The following SLC17A7 variants were observed in gnomAD, a reference collection of about 807,000 sequenced individuals.
SLC17A7 encodes the protein vesicular glutamate transporter 1.
SLC17A7 carries 15 observed loss-of-function variants against 59.1 expected under a neutral mutation model. The observed-to-expected ratio is 0.25, with a 90% CI of 0.17 to 0.39. The LOEUF (loss-of-function observed/expected upper bound fraction) is 0.39. Among genes scored for constraint, SLC17A7 ranks in the 10% least tolerant of loss-of-function variants. SLC17A7 has a pLI of 1.00. For synonymous variants in SLC17A7, 353 were observed against 308.9 expected, an observed-to-expected ratio of 1.14 and a Z score of -1.50; for missense variants, 499 against 765.1, an observed-to-expected ratio of 0.65 and a Z score of 4.10.
chr19:49,430,156 G>C lies in SLC17A7; in HGVS notation c.*363C>G, dbSNP rs1027589743. The stretch of plus-strand genomic sequence containing the variant: ...AGTGATCTCAAAGGTTAGCCTGAGA[G>C]TCCCTGGAGATAAAGGAAAGCGGGG... On this transcript the variant is annotated 3_prime_UTR_variant, in exon 12 of 12. Transcript: ENST00000221485. 1.1e-5 allele frequency: 2 copies of C among 180,744 alleles called. No homozygotes were observed. The highest frequency in any genetic ancestry group is 6.1e-5 in the Admixed American group (1 of 16,388). 11.2% of individuals were successfully genotyped at this position (180,744 alleles called of 1,614,324 possible).
Position 49,430,531 on chromosome 19 carries a change from G to T in SLC17A7, c.1671C>A (p.Val557=). The T allele has an allele frequency of 6.3e-7, 1 of 1,578,318 alleles. No homozygotes were observed. The highest frequency in any genetic ancestry group is 8.6e-7 in the Non-Finnish European group (1 of 1,161,384). Residue 557 remains valine, a synonymous_variant, in exon 12 of 12, where the codon GTC becomes GTA. Transcript: ENST00000221485. ...GGGAGGCACATGGTCAGTAGTCCCG[G>T]ACAGGGGGTGGGGGCCTGGGGGGCT... ...TFQPPRPPPP[V]RDY
chr19:49,432,419 G>T (rs983410155), intron 9 of SLC17A7, 100 bp downstream of exon 9: 2 of 1,454,872 alleles, frequency 1.4e-6, no homozygotes, highest in Non-Finnish European at 1.9e-6. Context: ...CCTGGGGCAG[G>T]CTGGATGGTT....
chr19:49,438,922 C>T (rs193124671), intron 1 of SLC17A7, among the ~76,000 whole-genome samples: 5 of 151,918 alleles, frequency 3.3e-5, no homozygotes, highest in Non-Finnish European at 5.9e-5. Context: ...GGGACAAGGG[C>T]AAAAATGCAA....
Position 49,429,789 on chromosome 19 carries a change from A to G in SLC17A7, c.*730T>C, listed in dbSNP as rs541500987. ...ATGGACTGGAGCAGCCACTATTTAG[A>G]CCTGAAAACCATGTCAGAAAAAGTG... On this transcript the variant is annotated 3_prime_UTR_variant, in exon 12 of 12. Transcript: ENST00000221485. The G allele has an allele frequency of 2.3e-5, 9 of 389,102 alleles. No homozygotes were observed. In the East Asian group the frequency reaches 3.3e-4, roughly 14 times the overall value. 24.1% of individuals were successfully genotyped at this position (389,102 alleles called of 1,614,324 possible). A position where few individuals can be genotyped will look rare whatever the true frequency, so the allele number is the denominator to read the frequency against.
In SLC17A7 at chr19:49,434,885, G is replaced by A; in HGVS notation, c.435-3C>T. On this transcript the variant is annotated splice_polypyrimidine_tract_variant and splice_region_variant and intron_variant, in intron 3 of 11. Coordinates refer to ENST00000221485, the MANE Select transcript of SLC17A7 (RefSeq NM_020309.4). ...CCACAATAGCAAAGCCGAAAACTCT[G>A]ATGGGAAGGGTCAGAGAAAAGAATC... is the stretch of plus-strand genomic sequence containing the variant. 6.2e-7 allele frequency: 1 copy of A among 1,610,962 alleles called. No individual in the cohort carries two copies. Among genetic ancestry groups the A allele is most frequent in the Non-Finnish European group, 8.5e-7 (1 of 1,178,200 alleles).
In SLC17A7 at chr19:49,441,432, C is replaced by A; in HGVS notation, c.-53G>T. 2.9e-6 allele frequency: 4 copies of A among 1,390,112 alleles called. No homozygotes were observed. The highest frequency in any genetic ancestry group is 3.7e-6 in the Non-Finnish European group (4 of 1,069,494). The allele number at this position is 1,390,112 out of a possible 1,614,324, so 86.1% of individuals were successfully genotyped here. ...CGCGGGTCCCCCCCGCCGATCCCCC[C>A]GCCCGCGGGCCCGGGCGGCCGCGTC... On this transcript the variant is annotated 5_prime_UTR_variant, in exon 1 of 12. Transcript: ENST00000221485.
At position 49,437,605 on chromosome 19, in the gene SLC17A7, G is replaced by A. The variant is rs1726617213; in HGVS notation, c.63-804C>T. The A allele has an allele frequency of 2.6e-5, 4 of 152,956 alleles. No homozygotes were observed. In the South Asian group the frequency reaches 6.2e-4, roughly 24 times the overall value. 9.5% of individuals were successfully genotyped at this position (152,956 alleles called of 1,614,324 possible). On this transcript the variant is annotated intron_variant, in intron 1 of 11. Coordinates refer to ENST00000221485, the MANE Select transcript of SLC17A7 (RefSeq NM_020309.4). Reference sequence around the variant, plus strand: ...GGGGGGAGTTGTACAGAGGCCCAGAGAGAGGGGGTCACAGACAGAAGAAGG... The same window carrying A: ...GGGGGGAGTTGTACAGAGGCCCAGAAAGAGGGGGTCACAGACAGAAGAAGG...
Position 49,430,656 on chromosome 19 carries a change from G to T in SLC17A7, c.1546C>A (p.Leu516Met), listed in dbSNP as rs554950006. The T allele has an allele frequency of 3.1e-6, 5 of 1,614,130 alleles. No individual in the cohort carries two copies. The East Asian group carries it at 6.7e-5, about 22-fold the overall frequency. Residue 516 changes from leucine to methionine, a missense_variant, in exon 12 of 12, where the codon CTG becomes ATG. Transcript: ENST00000221485. The stretch of plus-strand genomic sequence containing the variant: ...ATTTCGCTGTCGTCACTGCCAGCCA[G>T]CTGGTCATGGCCAACGAAGCCACAC... ...EKCGFVGHDQ[L>M]AGSDDSEMED... is the part of the protein sequence containing the mutation.
intron 1 of SLC17A7, among the ~76,000 whole-genome samples, chr19:49,440,262 G>T (rs1008119561): frequency 2.6e-5 from 4 of 152,250 alleles, no homozygotes; most frequent in African/African-American, 9.6e-5. Flanking sequence ...GCGAAACACA[G>T]GGTCAGGGCT....
rs1027201121 is a variant in SLC17A7 at position 49,431,655 on chromosome 19, G to A, written c.1151-207C>T. Among the ~76,000 whole-genome samples, 8 of 151,936 alleles carry A rather than the reference G, an allele frequency of 5.3e-5. No individual in the cohort carries two copies. The highest frequency in any genetic ancestry group is 8.8e-5 in the Non-Finnish European group (6 of 67,986). On this transcript the variant is annotated intron_variant, in intron 9 of 11. Transcript: ENST00000221485. The surrounding 1 kb of genome is among the most constrained non-coding windows in gnomAD (Gnocchi z 4.6). ...CCCTACTTCTCCAAGACCCAGCCCT[G>A]ACCACGCCCACCAGCTCCATCGCCC... is the stretch of plus-strand genomic sequence containing the variant.
chr19:49,434,283 G>A (rs1356511897), intron 5 of SLC17A7, among the ~76,000 whole-genome samples: 2 of 148,442 alleles, frequency 1.3e-5, no homozygotes, highest in Non-Finnish European at 3.0e-5. Flanking sequence ...TCAGACCCAG[G>A]AGTCCAGGCC....
chr19:49,436,329 G>C lies in SLC17A7; in HGVS notation c.315+220C>G. ...TTTTCAATCAAGCCCCTGGAAATAA[G>C]GGCGGGACTTCATTTAGATCAGGAC... On this transcript the variant is annotated intron_variant, in intron 2 of 11. Coordinates refer to ENST00000221485, the MANE Select transcript of SLC17A7 (RefSeq NM_020309.4). The surrounding 1 kb of genome is among the most constrained non-coding windows in gnomAD (Gnocchi z 4.1). The C allele has an allele frequency of 1.7e-6, 1 of 600,512 alleles. No homozygotes were observed. Among genetic ancestry groups the C allele is most frequent in the South Asian group, 2.2e-5 (1 of 45,268 alleles). 37.2% of individuals were successfully genotyped at this position (600,512 alleles called of 1,614,324 possible). A position where few individuals can be genotyped will look rare whatever the true frequency, so the allele number is the denominator to read the frequency against.
Position 49,436,745 on chromosome 19 carries a change from C to T in SLC17A7, c.119G>A (p.Arg40His). The T allele has an allele frequency of 6.2e-7, 1 of 1,609,514 alleles. No homozygotes were observed. The highest frequency in any genetic ancestry group is 8.5e-7 in the Non-Finnish European group (1 of 1,179,922). ...AETLELSADGRPVTTQTRDPP... is the reference protein window; with the variant it reads ...AETLELSADGHPVTTQTRDPP... ...GTCCCGGGTCTGCGTGGTCACCGGG[C>T]GCCCATCCGCACTCAGCTCCAGCGT... The change falls in exon 2 of 12, where the codon CGC becomes CAC. Residue 40 changes from arginine to histidine, a missense_variant. Around this residue, in one of 3 missense-constraint regions of SLC17A7, gnomAD observed 78 missense variants for 80.4 expected, o/e 0.97. Transcript: ENST00000221485. This position sits in a 1 kb window ranked among gnomAD's most constrained non-coding sequence, Gnocchi z 4.1.
intron 3 of SLC17A7, 65 bp from the exon 4 acceptor site, chr19:49,434,947 C>A: frequency 6.6e-7 from 1 of 1,506,656 alleles, no homozygotes; most frequent in South Asian, 1.1e-5. Flanking sequence ...CTGCCTTTCC[C>A]GCCCACAGCA....
rs1600984434 is a variant in SLC17A7, at chr19:49,432,743, C to G, written c.1017+68G>C. 2.5e-6 allele frequency: 4 copies of G among 1,598,574 alleles called. No individual in the cohort carries two copies. In the East Asian group the frequency reaches 9.1e-5, roughly 36 times the overall value. ...GTGCACCACCGGCTCCTCCCTGCCT[C>G]GGGATCGCCGCCAGTTCCCTCCCGC... On this transcript the variant is annotated intron_variant, in intron 8 of 11. Coordinates refer to ENST00000221485, the MANE Select transcript of SLC17A7 (RefSeq NM_020309.4).
rs970500142 is a variant in SLC17A7, at chr19:49,431,691, T to C, written c.1151-243A>G. ...CCAGCTCCATCGCCCCTCCCGTAGCTCCACCCCTTGACTAGGCCACTCCCC... is the reference window on the plus strand; with the variant it reads ...CCAGCTCCATCGCCCCTCCCGTAGCCCCACCCCTTGACTAGGCCACTCCCC... On this transcript the variant is annotated intron_variant, in intron 9 of 11. Coordinates refer to ENST00000221485, the MANE Select transcript of SLC17A7 (RefSeq NM_020309.4). This position sits in a 1 kb window ranked among gnomAD's most constrained non-coding sequence, Gnocchi z 4.6. Among the ~76,000 whole-genome samples the C allele has an allele frequency of 4.6e-5, 7 of 151,394 alleles. No homozygotes were observed. Among genetic ancestry groups the C allele is most frequent in the Non-Finnish European group, 1.0e-4 (7 of 67,918 alleles).
At chr19:49,440,500 A>G (rs1042956668) in intron 1 of SLC17A7, among the ~76,000 whole-genome samples, 3 of 152,082 alleles carry the variant, frequency 2.0e-5, no homozygotes, top group African/African-American at 7.2e-5. Flanking sequence ...GTTGGGAGGG[A>G]GTCCCTGTCA....
In SLC17A7 at chr19:49,436,672, A is replaced by G. The variant is rs1490262685; in HGVS notation, c.192T>C (p.Ile64=). 1.2e-6 allele frequency: 2 copies of G among 1,613,824 alleles called. No homozygotes were observed. Residue 64 remains isoleucine (I), a synonymous_variant, in exon 2 of 12, where the codon ATT becomes ATC. Coordinates refer to ENST00000221485, the MANE Select transcript of SLC17A7 (RefSeq NM_020309.4). The surrounding 1 kb of genome is among the most constrained non-coding windows in gnomAD (Gnocchi z 4.1). ...AGCCCAGACCACTCATGATGGCGATAATGTAGCGGCGAGGGAGGCCGAAGC... is the reference window on the plus strand; with the variant it reads ...AGCCCAGACCACTCATGATGGCGATGATGTAGCGGCGAGGGAGGCCGAAGC... ...CTCFGLPRRY[I]IAIMSGLGFC... is the part of the protein sequence containing the mutation.
chr19:49,436,455 CT>C lies in SLC17A7; in HGVS notation c.315+93del, dbSNP rs2078979836. The C allele has an allele frequency of 6.6e-7, 1 of 1,509,764 alleles. No individual in the cohort carries two copies. The highest frequency in any genetic ancestry group is 1.4e-5 in the African/African-American group (1 of 73,132). The allele number at this position is 1,509,764 out of a possible 1,614,324, so 93.5% of individuals were successfully genotyped here. The stretch of plus-strand genomic sequence containing the variant: ...GACAGCGTTTCGGAAGGGGCGTGGC[CT>C]GGACGTCTGGTGGGTGAGTGTGACG... On this transcript the variant is annotated intron_variant, in intron 2 of 11. Coordinates refer to ENST00000221485, the MANE Select transcript of SLC17A7 (RefSeq NM_020309.4). This position sits in a 1 kb window ranked among gnomAD's most constrained non-coding sequence, Gnocchi z 4.1.
Sources: gnomAD v4.1 joint callset for allele counts (sites outside exome capture counted in the v4.1 genomes callset) on GRCh38, gnomAD v4.1.1 for gene constraint, gnomAD v4.1.1 regional missense constraint, Gnocchi (gnomAD v3.1) non-coding constraint, MANE v1.5 for transcripts, NCBI Gene and HGNC (gene_info 2026-07-23, HGNC 2026-07-21) for gene names.